The following SLK variants were observed in gnomAD, a reference collection of about 807,000 sequenced individuals.
SLK encodes the protein STE20-like serine/threonine-protein kinase.
SLK carries 67 observed loss-of-function variants against 147.7 expected under a neutral mutation model. That is an observed-to-expected ratio of 0.45 (90% CI 0.37 to 0.56). The LOEUF is 0.56. SLK is among the 20% of genes least tolerant of loss of function. The pLI, the probability that SLK is intolerant of heterozygous loss-of-function variation, is 0.00. For synonymous variants in SLK, 441 were observed against 475.0 expected (o/e 0.93, Z 0.93); for missense variants, 1,136 against 1,438.8 (o/e 0.79, Z 3.41).
In SLK at chr10:103,999,261, C is replaced by A. The variant is rs747297791; in HGVS notation, c.730C>A (p.Leu244Met). 6.2e-7 allele frequency: 1 copy of A among 1,613,454 alleles called. No homozygotes were observed. The highest frequency in any genetic ancestry group is 8.5e-7 in the Non-Finnish European group (1 of 1,179,720). Residue 244 changes from leucine to methionine, a missense_variant, in exon 6 of 19, where the codon CTG (leucine) becomes ATG (methionine). Around this residue, in one of 6 missense-constraint regions of SLK, gnomAD observed 141 missense variants for 219.3 expected, o/e 0.64. Coordinates refer to ENST00000369755, the MANE Select transcript of SLK (RefSeq NM_014720.4). The stretch of plus-strand genomic sequence containing the variant: ...TCATGAATTAAATCCAATGCGAGTG[C>A]TGCTAAAAATAGCAAAATCTGAGCC... ...PHHELNPMRV[L>M]LKIAKSEPPT... is the part of the protein sequence containing the mutation.
At chr10:104,011,951 A>G (rs1464768193) in intron 13 of SLK, among the ~76,000 whole-genome samples, 1 of 152,250 alleles carries the variant, frequency 6.6e-6, no homozygotes, top group African/African-American at 2.4e-5. Context: ...ATGAAGGAAG[A>G]TGAATCTTCT....
intron 1 of SLK, among the ~76,000 whole-genome samples, chr10:103,984,019 C>G (rs1212942888): frequency 6.6e-6 from 1 of 152,114 alleles, no homozygotes; most frequent in Admixed American, 6.5e-5. Context: ...CTCCCTGATC[C>G]TTTGTATTAT....
chr10:104,014,452 A>G (rs1844437255), intron 13 of SLK, among the ~76,000 whole-genome samples: 1 of 152,190 alleles, frequency 6.6e-6, no homozygotes, highest in Non-Finnish European at 1.5e-5. Flanking sequence ...GAGTAGATAG[A>G]ATACAGCTTG....
chr10:103,997,894 A>T (rs994570798), intron 4 of SLK, among the ~76,000 whole-genome samples: 5 of 152,106 alleles, frequency 3.3e-5, no homozygotes, highest in African/African-American at 1.2e-4. Flanking sequence ...GAATATAGGG[A>T]CATACTTGTG....
In SLK at chr10:103,976,956, G is replaced by A. The variant is rs548397262; in HGVS notation, c.150+9061G>A. 2.6e-5 allele frequency among the ~76,000 whole-genome samples: 4 copies of A among 152,280 alleles called. No individual in the cohort carries two copies. The South Asian group carries it at 6.2e-4, about 24-fold the overall frequency. On this transcript the variant is annotated intron_variant, in intron 1 of 18. Coordinates refer to ENST00000369755, the MANE Select transcript of SLK (RefSeq NM_014720.4). ...GGATAATCCTTTTTTGTGGAGGGCT[G>A]TCCTATGCACTGTAGGATGCATCCC... is the stretch of plus-strand genomic sequence containing the variant.
At chr10:103,981,396 C>G (rs991935521) in intron 1 of SLK, among the ~76,000 whole-genome samples, 3 of 152,096 alleles carry the variant, frequency 2.0e-5, no homozygotes, top group African/African-American at 7.2e-5. Context: ...GCTTTAGTGT[C>G]ATATCTCAGA....
intron 9 of SLK, among the ~76,000 whole-genome samples, chr10:104,005,068 G>A (rs72821423): frequency 0.032 from 4,836 of 151,660 alleles, 104 homozygotes; most frequent in Middle Eastern, 0.075. Context: ...TTACCTGAGA[G>A]CTTTTTCAAA....
chr10:104,007,906 T>G (rs918010403), intron 11 of SLK, among the ~76,000 whole-genome samples: 1 of 152,074 alleles, frequency 6.6e-6, no homozygotes, highest in Non-Finnish European at 1.5e-5. Flanking sequence ...GAACTGTGAT[T>G]GTGCAACTGC....
chr10:104,010,064 C>T (rs898294345), intron 12 of SLK, among the ~76,000 whole-genome samples: 4 of 152,120 alleles, frequency 2.6e-5, no homozygotes, highest in Non-Finnish European at 5.9e-5. Context: ...AAAGAAGGAG[C>T]TCTAAAATGT....
At chr10:104,013,796 C>T (rs1844428574) in intron 13 of SLK, among the ~76,000 whole-genome samples, 1 of 152,186 alleles carries the variant, frequency 6.6e-6, no homozygotes, top group Non-Finnish European at 1.5e-5. Flanking sequence ...TTGCCAAAAT[C>T]TAGATGATTG....
Position 103,990,874 on chromosome 10 carries a change from A to G in SLK, c.315+35A>G, listed in dbSNP as rs148355670. 585 of 1,328,164 alleles carry G rather than the reference A, an allele frequency of 4.4e-4. 4 individuals carry two copies. The African/African-American group carries it at 7.6e-3, about 17-fold the overall frequency. The allele number at this position is 1,328,164 out of a possible 1,614,324, so 82.3% of individuals were successfully genotyped here. ...TTCTGTTGATCTAAAGGAGTAGCCA[A>G]AATGAGTTAATTGTCCTAAAGAGAT... On this transcript the variant is annotated intron_variant, in intron 2 of 18. Coordinates refer to ENST00000369755, the MANE Select transcript of SLK (RefSeq NM_014720.4).
chr10:104,018,361 T>G, intron 14 of SLK, 72 bp downstream of exon 14: 2 of 1,398,634 alleles, frequency 1.4e-6, no homozygotes, highest in Non-Finnish European at 9.8e-7. Flanking sequence ...AATGTAAACA[T>G]ATAACCCTTA....
At chr10:104,025,420 A>G (rs1341147864) in intron 18 of SLK, among the ~76,000 whole-genome samples, 154 bp from the exon 19 acceptor site, 2 of 152,338 alleles carry the variant, frequency 1.3e-5, no homozygotes, top group South Asian at 2.1e-4. Flanking sequence ...AGGGCTGTAC[A>G]AAGCTTATGA....
intron 13 of SLK, among the ~76,000 whole-genome samples, chr10:104,017,230 A>G (rs1036814384): frequency 6.6e-6 from 1 of 152,232 alleles, no homozygotes; most frequent in Non-Finnish European, 1.5e-5. Flanking sequence ...CTGTGATTAT[A>G]CAAATTTTCT....
In SLK at chr10:104,028,806, CTA is replaced by C. The variant is rs1312560073; in HGVS notation, c.*3087_*3088del. On this transcript the variant is annotated 3_prime_UTR_variant, in exon 19 of 19. Coordinates refer to ENST00000369755, the MANE Select transcript of SLK (RefSeq NM_014720.4). ...AAGCCAAATTCTGTCCAAGTATTAA[CTA>C]GAGATATTGTTGATTAAAGAAAATC... 6.6e-6 allele frequency: 1 copy of C among 152,142 alleles called. No individual in the cohort carries two copies. The highest frequency in any genetic ancestry group is 1.9e-4 in the East Asian group (1 of 5,200). 9.4% of individuals were successfully genotyped at this position (152,142 alleles called of 1,614,324 possible).
At chr10:103,989,370 A>C (rs1369687239) in intron 1 of SLK, among the ~76,000 whole-genome samples, 6 of 151,948 alleles carry the variant, frequency 3.9e-5, no homozygotes, top group Admixed American at 3.9e-4. Flanking sequence ...TGGCAACCCC[A>C]AATGCTGGTG....
At chr10:104,022,376 T>G (rs1844546981) in intron 18 of SLK, among the ~76,000 whole-genome samples, 1 of 152,172 alleles carries the variant, frequency 6.6e-6, no homozygotes, top group African/African-American at 2.4e-5. Flanking sequence ...TTGTTTGTGC[T>G]TGACACCCTA....
At chr10:103,980,559 A>G (rs1206501204) in intron 1 of SLK, among the ~76,000 whole-genome samples, 1 of 152,164 alleles carries the variant, frequency 6.6e-6, no homozygotes, top group Non-Finnish European at 1.5e-5. Flanking sequence ...GACTATCCTA[A>G]GTACCTCATT....
chr10:104,016,767 ACT>A (rs140685811), intron 13 of SLK, among the ~76,000 whole-genome samples: 14,700 of 152,006 alleles, frequency 0.097, 1,325 homozygotes, highest in African/African-American at 0.23. Flanking sequence ...GTGGAGTGAG[ACT>A]CTCTGTGCAT....
Sources: allele counts gnomAD v4.1 joint callset (sites outside exome capture counted in the v4.1 genomes callset), GRCh38; gene constraint gnomAD v4.1.1; regional missense constraint gnomAD v4.1.1; transcripts MANE v1.5; gene names NCBI Gene and HGNC (gene_info 2026-07-23, HGNC 2026-07-21).